GIGYF2: variants seen among roughly 807,000 people sequenced by gnomAD.
GIGYF2 encodes GRB10 interacting GYF protein 2, also known as GRB10-interacting GYF protein 2.
Under a neutral mutation model 208.1 loss-of-function variants are expected in GIGYF2, and 25 were observed. The ratio of observed to expected loss-of-function variants is 0.12; its 90% CI spans 0.09 to 0.17. GIGYF2 has a LOEUF of 0.17. Among genes scored for constraint, GIGYF2 ranks in the 10% least tolerant of loss-of-function variants. GIGYF2 has a pLI of 1.00. For synonymous variants in GIGYF2, 534 were observed against 543.8 expected, an observed-to-expected ratio of 0.98 and a Z score of 0.25; for missense variants, 1,302 against 1,579.4, an observed-to-expected ratio of 0.82 and a Z score of 2.98.
In GIGYF2 at chr2:232,806,347, A is replaced by G; in HGVS notation, c.1640-144A>G. On this transcript the variant is annotated intron_variant, in intron 14 of 28. Transcript: ENST00000373563. This position sits in a 1 kb window ranked among gnomAD's most constrained non-coding sequence, Gnocchi z 4.0. ...TTTAGTAGTTAGAAATCTGTTAGCT[A>G]CCTTTAGAGGTGAATTAAATTAGAT... is the stretch of plus-strand genomic sequence containing the variant. 2 of 694,594 alleles carry G rather than the reference A, an allele frequency of 2.9e-6. No homozygotes were observed. The highest frequency in any genetic ancestry group is 5.2e-6 in the Non-Finnish European group (2 of 385,658). 43.0% of individuals were successfully genotyped at this position (694,594 alleles called of 1,614,324 possible). A position where few individuals can be genotyped will look rare whatever the true frequency, so the allele number is the denominator to read the frequency against.
chr2:232,786,340 C>T (rs1018961053), intron 8 of GIGYF2, among the ~76,000 whole-genome samples: 26 of 152,116 alleles, frequency 1.7e-4, no homozygotes, highest in African/African-American at 6.0e-4. Context: ...TGGGTTCAAG[C>T]CATTCTCCTG....
Position 232,811,079 on chromosome 2 carries a change from T to G in GIGYF2, c.1899-165T>G, listed in dbSNP as rs943062302. The G allele has an allele frequency of 5.1e-6, 3 of 589,422 alleles. No individual in the cohort carries two copies. In the African/African-American group the frequency reaches 5.6e-5, roughly 11 times the overall value. The allele number at this position is 589,422 out of a possible 1,614,324, so 36.5% of individuals were successfully genotyped here. On this transcript the variant is annotated intron_variant, in intron 16 of 28. Transcript: ENST00000373563. ...TTCTTTCTAGAATGAAGCATAGAATTTTCTATGTGTCTATTATCATAATGA... is the reference window on the plus strand; with the variant it reads ...TTCTTTCTAGAATGAAGCATAGAATGTTCTATGTGTCTATTATCATAATGA...
At position 232,839,826 on chromosome 2, in the gene GIGYF2, T is replaced by C. The variant is rs568190820; in HGVS notation, c.2767-23T>C. The C allele has an allele frequency of 5.6e-6, 9 of 1,613,738 alleles. No homozygotes were observed. In the East Asian group the frequency reaches 1.8e-4, roughly 32 times the overall value. The stretch of plus-strand genomic sequence containing the variant: ...CCTGTCCACATTTCCTCATGAACTT[T>C]CTGGCCTTCCCTTTTTTGTTAGCTT... On this transcript the variant is annotated intron_variant, in intron 22 of 28. Transcript: ENST00000373563.
intron 20 of GIGYF2, among the ~76,000 whole-genome samples, chr2:232,819,289 A>G (rs752129893): frequency 6.6e-6 from 1 of 152,206 alleles, no homozygotes; most frequent in Non-Finnish European, 1.5e-5. Flanking sequence ...TTTTCTATAA[A>G]TGATCTCAAC....
chr2:232,795,688 A>G (rs997233498), intron 13 of GIGYF2, among the ~76,000 whole-genome samples: 2 of 152,232 alleles, frequency 1.3e-5, no homozygotes, highest in African/African-American at 2.4e-5. Flanking sequence ...GCTTGAACCC[A>G]GGAGTTCAAG....
intron 14 of GIGYF2, among the ~76,000 whole-genome samples, chr2:232,803,599 T>G (rs905171848): frequency 6.6e-6 from 1 of 152,120 alleles, no homozygotes; most frequent in African/African-American, 2.4e-5. Flanking sequence ...ATTGTTTTCT[T>G]TCACCTTTGT....
intron 3 of GIGYF2, among the ~76,000 whole-genome samples, chr2:232,737,841 A>G (rs1343797804): frequency 1.3e-5 from 2 of 151,966 alleles, no homozygotes; most frequent in South Asian, 2.1e-4. Flanking sequence ...TCTGGGGACA[A>G]TTGTGAAGAT....
intron 23 of GIGYF2, among the ~76,000 whole-genome samples, chr2:232,841,047 G>A (rs114159332): frequency 0.013 from 1,974 of 150,272 alleles, 34 homozygotes; most frequent in African/African-American, 0.046. Context: ...ACTTGAAGAT[G>A]ACCTTATTTC....
intron 8 of GIGYF2, chr2:232,768,850 G>A (rs1260191226): frequency 7.1e-6 from 11 of 1,545,386 alleles, no homozygotes; most frequent in African/African-American, 2.8e-5. Flanking sequence ...TTAGAATGAA[G>A]ACTTTAAATA....
rs566481522 is a variant in GIGYF2, at chr2:232,858,951, C to G, written c.*2091C>G. 6.3e-6 allele frequency: 1 copy of G among 158,206 alleles called. No homozygotes were observed. The highest frequency in any genetic ancestry group is 2.4e-5 in the African/African-American group (1 of 41,520). 9.8% of individuals were successfully genotyped at this position (158,206 alleles called of 1,614,324 possible). On this transcript the variant is annotated 3_prime_UTR_variant, in exon 29 of 29. Transcript: ENST00000373563. ...TTGCCCACACCTTCCCAACTAGACT[C>G]TGTGTGTGTATTCAGGAAAAATGAA...
At chr2:232,711,128 GTC>G (rs1196179088) in intron 2 of GIGYF2, among the ~76,000 whole-genome samples, 2 of 149,150 alleles carry the variant, frequency 1.3e-5, no homozygotes, top group African/African-American at 2.5e-5. Context: ...TAAAGACAGT[GTC>G]TTGGTCAGTC....
chr2:232,701,770 CAA>C, intron 1 of GIGYF2, among the ~76,000 whole-genome samples: 1 of 151,798 alleles, frequency 6.6e-6, no homozygotes, highest in South Asian at 2.1e-4. Context: ...TTTAATTTTG[CAA>C]AAAAAGTAGC....
chr2:232,808,309 A>C (rs146310753), intron 15 of GIGYF2, among the ~76,000 whole-genome samples: 153 of 152,332 alleles, frequency 1.0e-3, no homozygotes, highest in African/African-American at 3.6e-3. Context: ...GATCTTACAC[A>C]TCTCAGAAGC....
At chr2:232,789,144 TTAA>T (rs1341689784) in intron 9 of GIGYF2, among the ~76,000 whole-genome samples, 3 of 152,186 alleles carry the variant, frequency 2.0e-5, no homozygotes, top group Non-Finnish European at 4.4e-5. Context: ...GCAGTCAGCC[TTAA>T]TAAGTACCTT....
intron 2 of GIGYF2, among the ~76,000 whole-genome samples, chr2:232,714,737 A>T (rs1318657432): frequency 6.6e-6 from 1 of 150,408 alleles, no homozygotes; most frequent in Non-Finnish European, 1.5e-5. Context: ...ATTGATTAAT[A>T]TTTGCGTCTT....
chr2:232,813,145 T>G (rs1700785732), intron 18 of GIGYF2, among the ~76,000 whole-genome samples: 1 of 152,088 alleles, frequency 6.6e-6, no homozygotes, highest in Non-Finnish European at 1.5e-5. Flanking sequence ...TGAGATTATT[T>G]TAAGTCTTGG....
intron 3 of GIGYF2, 61 bp from the exon 4 acceptor site, chr2:232,747,553 TA>T: frequency 6.3e-7 from 1 of 1,576,730 alleles, no homozygotes; most frequent in Non-Finnish European, 8.7e-7. Context: ...TTTGACAGTG[TA>T]TAGTATAAAA....
chr2:232,823,978 T>TA (rs1256993228), intron 21 of GIGYF2, among the ~76,000 whole-genome samples: 1 of 152,242 alleles, frequency 6.6e-6, no homozygotes, highest in Non-Finnish European at 1.5e-5. Context: ...TTATATCTGT[T>TA]ACGGTGATCT....
intron 8 of GIGYF2, among the ~76,000 whole-genome samples, chr2:232,780,079 G>A (rs1197874626): frequency 6.6e-6 from 1 of 152,142 alleles, no homozygotes; most frequent in African/African-American, 2.4e-5. Flanking sequence ...TGGAGATTGG[G>A]CACTTGTAAG....
Sources: allele counts gnomAD v4.1 joint callset (sites outside exome capture counted in the v4.1 genomes callset), GRCh38; gene constraint gnomAD v4.1.1; non-coding constraint Gnocchi (gnomAD v3.1); transcripts MANE v1.5; gene names NCBI Gene and HGNC (gene_info 2026-07-23, HGNC 2026-07-21).